The following PRPSAP2 variants were observed in gnomAD, a reference collection of about 807,000 sequenced individuals.
PRPSAP2 encodes phosphoribosyl pyrophosphate synthetase associated protein 2.
Under a neutral mutation model 40.6 loss-of-function variants are expected in PRPSAP2, and 24 were observed. That is an observed-to-expected ratio of 0.59 (90% CI 0.43 to 0.83). The LOEUF is 0.83. Among genes scored for constraint, PRPSAP2 ranks in the 40% least tolerant of loss-of-function variants. PRPSAP2 has a pLI of 0.00. For synonymous variants in PRPSAP2, 149 were observed against 164.7 expected, an observed-to-expected ratio of 0.90 and a Z score of 0.73; for missense variants, 292 against 465.6, an observed-to-expected ratio of 0.63 and a Z score of 3.43.
chr17:18,919,755 G>A (rs1206364459), intron 9 of PRPSAP2, among the ~76,000 whole-genome samples: 2 of 152,184 alleles, frequency 1.3e-5, no homozygotes, highest in Admixed American at 6.5e-5. Context: ...CCACTTTATA[G>A]ATAAACAGGA....
At chr17:18,881,145 T>A (rs1290069251) in intron 6 of PRPSAP2, among the ~76,000 whole-genome samples, 1 of 151,294 alleles carries the variant, frequency 6.6e-6, no homozygotes, top group East Asian at 1.9e-4. Flanking sequence ...AGACTTTAAA[T>A]TGATGTGAAA....
chr17:18,924,934 A>G (rs1439351547), intron 10 of PRPSAP2, among the ~76,000 whole-genome samples: 1 of 152,186 alleles, frequency 6.6e-6, no homozygotes, highest in Non-Finnish European at 1.5e-5. Flanking sequence ...AGCCTGGCCA[A>G]CATGGTGAAA....
At chr17:18,859,409 G>A (rs2036836012) in intron 1 of PRPSAP2, 1 of 152,334 alleles carries the variant, frequency 6.6e-6, no homozygotes, top group Admixed American at 6.5e-5. Context: ...CTGTTGCATA[G>A]GACTAACTAC....
intron 8 of PRPSAP2, among the ~76,000 whole-genome samples, chr17:18,909,668 GC>G (rs1369607755): frequency 6.6e-6 from 1 of 152,012 alleles, no homozygotes; most frequent in Admixed American, 6.6e-5. Flanking sequence ...ACTTTGGGAG[GC>G]CACGGTGGGC....
chr17:18,896,714 C>T (rs2039932143), intron 8 of PRPSAP2, among the ~76,000 whole-genome samples: 1 of 149,232 alleles, frequency 6.7e-6, no homozygotes, highest in African/African-American at 2.5e-5. Flanking sequence ...CACAGAGTGA[C>T]TCTAAGTTTG....
At chr17:18,908,634 C>A in intron 8 of PRPSAP2, 1 of 721,000 alleles carries the variant, frequency 1.4e-6, no homozygotes, top group Non-Finnish European at 2.6e-6. Flanking sequence ...GGGTCTGGAA[C>A]ACCCACGCCG....
At chr17:18,872,741 A>G (rs1444702401) in intron 5 of PRPSAP2, 92 bp downstream of exon 5, 3 of 1,022,880 alleles carry the variant, frequency 2.9e-6, no homozygotes, top group African/African-American at 1.6e-5. Context: ...AAGAGTTATA[A>G]TAGTCTTAAA....
At chr17:18,900,718 T>G (rs1293352860) in intron 8 of PRPSAP2, among the ~76,000 whole-genome samples, 1 of 152,118 alleles carries the variant, frequency 6.6e-6, no homozygotes, top group Non-Finnish European at 1.5e-5. Flanking sequence ...AGGCCTTGTG[T>G]GGACCACCTA....
intron 9 of PRPSAP2, among the ~76,000 whole-genome samples, chr17:18,918,873 A>T (rs1316218089): frequency 1.3e-5 from 2 of 152,230 alleles, no homozygotes; most frequent in Non-Finnish European, 2.9e-5. Flanking sequence ...CTGTGTTAAA[A>T]TGGTAATATT....
intron 11 of PRPSAP2, chr17:18,929,738 G>A (rs2042160042): frequency 6.6e-6 from 1 of 152,068 alleles, no homozygotes; most frequent in Non-Finnish European, 1.5e-5. Context: ...TCCACATTTT[G>A]TCTCTCTCTT....
chr17:18,918,314 G>C (rs1158449628), intron 9 of PRPSAP2, among the ~76,000 whole-genome samples: 2 of 152,194 alleles, frequency 1.3e-5, no homozygotes, highest in Non-Finnish European at 2.9e-5. Context: ...GCCATCCTCA[G>C]AGTGGACCCA....
At chr17:18,900,650 A>G (rs2040207021) in intron 8 of PRPSAP2, among the ~76,000 whole-genome samples, 1 of 152,070 alleles carries the variant, frequency 6.6e-6, no homozygotes. Context: ...TGGCAGGGAA[A>G]GTGGTGGTGT....
chr17:18,877,962 C>G (rs2038422707), intron 6 of PRPSAP2, 92 bp downstream of exon 6: 9 of 1,353,538 alleles, frequency 6.6e-6, no homozygotes, highest in Non-Finnish European at 9.1e-6. Context: ...TGCCCTGTCA[C>G]CTAGGCTGGA....
At chr17:18,923,120 C>T (rs886613083) in intron 9 of PRPSAP2, among the ~76,000 whole-genome samples, 5 of 151,468 alleles carry the variant, frequency 3.3e-5, no homozygotes, top group Admixed American at 1.3e-4. Flanking sequence ...GACAGAGTCT[C>T]GCTCTGTCAC....
chr17:18,874,758 G>A (rs1482483160), intron 5 of PRPSAP2, among the ~76,000 whole-genome samples: 1 of 152,212 alleles, frequency 6.6e-6, no homozygotes, highest in African/African-American at 2.4e-5. Context: ...CACCAAACCA[G>A]GGTGGAAGTG....
chr17:18,917,971 A>G (rs2041465038), intron 9 of PRPSAP2, among the ~76,000 whole-genome samples: 1 of 151,832 alleles, frequency 6.6e-6, no homozygotes, highest in Non-Finnish European at 1.5e-5. Context: ...GACTTCAGGA[A>G]CTCAAATGCT....
chr17:18,886,057 CTT>C (rs1210105547), intron 7 of PRPSAP2, among the ~76,000 whole-genome samples: 1 of 152,088 alleles, frequency 6.6e-6, no homozygotes, highest in East Asian at 1.9e-4. Flanking sequence ...TATCTTGTCT[CTT>C]TTGTTTTCGT....
At chr17:18,885,429 A>AAAAAAAAAAAAAAAT (rs59891086) in intron 7 of PRPSAP2, among the ~76,000 whole-genome samples, 1 of 109,274 alleles carries the variant, frequency 9.2e-6, no homozygotes, top group African/African-American at 3.5e-5. Context: ...AAAAAAAAAA[A>AAAAAAAAAAAAAAAT]TTAATATGTG....
Position 18,872,363 on chromosome 17 carries a change from T to C in PRPSAP2, c.173-220T>C, listed in dbSNP as rs557045956. Among the ~76,000 whole-genome samples the C allele has an allele frequency of 2.0e-5, 3 of 152,296 alleles. No individual in the cohort carries two copies. The South Asian group carries it at 6.2e-4, about 32-fold the overall frequency. On this transcript the variant is annotated intron_variant, in intron 4 of 11. Transcript: ENST00000268835. ...GGGGTGAGAATTATACATTTACTTA[T>C]TTCAAGTCAGAAATGTAATTCTCTC...
Sources: allele counts gnomAD v4.1 joint callset (sites outside exome capture counted in the v4.1 genomes callset), GRCh38; gene constraint gnomAD v4.1.1; transcripts MANE v1.5; gene names NCBI Gene and HGNC (gene_info 2026-07-23, HGNC 2026-07-21).